Variants in MRC1 observed in about 807,000 individuals in gnomAD.
MRC1 encodes mannose receptor C-type 1.
A neutral mutation model predicts 102.9 loss-of-function variants in MRC1; 62 were observed. The observed-to-expected ratio is 0.60, with a 90% CI of 0.49 to 0.74. The LOEUF (loss-of-function observed/expected upper bound fraction) is 0.74, where lower values mean the gene tolerates loss of function less well. Among genes scored for constraint, MRC1 ranks in the 30% least tolerant of loss-of-function variants. The pLI is 0.00. For missense variants in MRC1, 1,237 were observed against 862.8 expected (o/e 1.43, Z -5.43); for synonymous variants, 457 against 298.4 (o/e 1.53, Z -5.48).
chr10:17,867,083 T>A (rs1833280196), intron 12 of MRC1, among the ~76,000 whole-genome samples: 1 of 139,150 alleles, frequency 7.2e-6, no homozygotes, highest in Non-Finnish European at 1.6e-5. Flanking sequence ...ATTCCCCCCT[T>A]GCCCTCTTCC....
At chr10:17,891,108 G>A (rs1833666375) in intron 22 of MRC1, among the ~76,000 whole-genome samples, 1 of 151,110 alleles carries the variant, frequency 6.6e-6, no homozygotes, top group East Asian at 1.9e-4. Flanking sequence ...CTGATTCTGC[G>A]TGATGGTGAG....
chr10:17,885,204 A>G, intron 21 of MRC1, 65 bp from the exon 22 acceptor site: 1 of 778,164 alleles, frequency 1.3e-6, no homozygotes, highest in Non-Finnish European at 2.4e-6. Flanking sequence ...TATATTTTGA[A>G]TATTTTCCAT....
intron 3 of MRC1, among the ~76,000 whole-genome samples, chr10:17,830,852 A>G (rs565803514): frequency 6.6e-6 from 1 of 150,392 alleles, no homozygotes; most frequent in South Asian, 2.1e-4. Context: ...AAAAACAACA[A>G]CAAAACCCTT....
chr10:17,867,358 CCTTCTCCTTCTTCTTCTTCTTCTTCTT>C (rs1833288535), intron 12 of MRC1, among the ~76,000 whole-genome samples: 1 of 111,280 alleles, frequency 9.0e-6, no homozygotes, highest in African/African-American at 3.6e-5. Flanking sequence ...TTCTTCTTCT[CCTTCTCCTTCTTCTTCTTCTTCTTCTT>C]CTCCTTCTTC....
chr10:17,813,090 T>C (rs889392194), intron 1 of MRC1, among the ~76,000 whole-genome samples: 1 of 152,190 alleles, frequency 6.6e-6, no homozygotes, highest in Non-Finnish European at 1.5e-5. Context: ...TTTGACATCA[T>C]CATTTTATAG....
chr10:17,861,581 C>G (rs932855433), intron 10 of MRC1, 79 bp downstream of exon 10: 158 of 749,564 alleles, frequency 2.1e-4, no homozygotes, highest in Middle Eastern at 5.3e-4. Flanking sequence ...TCAACATGCT[C>G]TAAATTTCTG....
Position 17,824,894 on chromosome 10 carries a change from C to A in MRC1, c.463+1419C>A, listed in dbSNP as rs1446466198. Among the ~76,000 whole-genome samples, 9 of 152,198 alleles carry A rather than the reference C, an allele frequency of 5.9e-5. No individual in the cohort carries two copies. In the East Asian group the frequency reaches 1.7e-3, roughly 29 times the overall value. On this transcript the variant is annotated intron_variant, in intron 2 of 29. Coordinates refer to ENST00000569591, the MANE Select transcript of MRC1 (RefSeq NM_002438.4). ...ATACATAGGGTTTGGGCTAATAGTT[C>A]TCAAACTTTAATATGCTTAAGAATC...
intron 1 of MRC1, among the ~76,000 whole-genome samples, chr10:17,819,060 G>C (rs1838354620): frequency 6.6e-6 from 1 of 152,164 alleles, no homozygotes; most frequent in East Asian, 1.9e-4. Flanking sequence ...CTTGTAGTTA[G>C]AAACCCAGTC....
chr10:17,903,291 C>T (rs1241450678), intron 26 of MRC1, among the ~76,000 whole-genome samples: 1 of 150,668 alleles, frequency 6.6e-6, no homozygotes, highest in Admixed American at 6.6e-5. Context: ...TTCTATATGT[C>T]TTATGGTCCC....
intron 1 of MRC1, among the ~76,000 whole-genome samples, chr10:17,815,648 T>C (rs1838299399): frequency 6.6e-6 from 1 of 152,208 alleles, no homozygotes; most frequent in Admixed American, 6.5e-5. Context: ...TCTTGGCCTC[T>C]GTTTTGTCCT....
At chr10:17,902,833 G>A (rs1435530788) in intron 26 of MRC1, among the ~76,000 whole-genome samples, 2 of 152,160 alleles carry the variant, frequency 1.3e-5, no homozygotes, top group Non-Finnish European at 2.9e-5. Flanking sequence ...CTTAGCCGAT[G>A]AGGTTTATCC....
chr10:17,876,321 C>T (rs1001339661), intron 17 of MRC1, among the ~76,000 whole-genome samples: 1 of 151,050 alleles, frequency 6.6e-6, no homozygotes, highest in African/African-American at 2.4e-5. Flanking sequence ...GACCTCGGCT[C>T]ACTGCAACCT....
chr10:17,863,766 A>T (rs1215112587), intron 11 of MRC1, 84 bp downstream of exon 11: 1 of 722,218 alleles, frequency 1.4e-6, no homozygotes, highest in African/African-American at 1.8e-5. Flanking sequence ...GTATCTCTGC[A>T]AATAGACTAG....
chr10:17,898,035 C>A lies in MRC1; in HGVS notation c.3252C>A (p.Asp1084Glu). 1.3e-6 allele frequency: 1 copy of A among 780,774 alleles called. No homozygotes were observed. The highest frequency in any genetic ancestry group is 2.4e-6 in the Non-Finnish European group (1 of 417,918). The allele number at this position is 780,774 out of a possible 1,614,324, so 48.4% of individuals were successfully genotyped here. ...KRGYICQTRSDPSLTNPPATI... is the reference protein window; with the variant it reads ...KRGYICQTRSEPSLTNPPATI... ...AATGAAAATAATGTTTTTATCTAGACCCTTCCTTGACTAATCCTCCAGCAA... is the reference window on the plus strand; with the variant it reads ...AATGAAAATAATGTTTTTATCTAGAACCTTCCTTGACTAATCCTCCAGCAA... Residue 1084 changes from aspartate to glutamate, a missense_variant and splice_region_variant, in exon 24 of 30, where the codon GAC (aspartate) becomes GAA (glutamate). By Grantham distance (45) the Asp-to-Glu change is conservative (BLOSUM62 2). Transcript: ENST00000569591.
At chr10:17,818,026 C>G (rs1838338766) in intron 1 of MRC1, among the ~76,000 whole-genome samples, 1 of 152,106 alleles carries the variant, frequency 6.6e-6, no homozygotes. Flanking sequence ...CTGGCAAAGG[C>G]AATATCAAAC....
intron 22 of MRC1, among the ~76,000 whole-genome samples, chr10:17,885,855 T>A (rs1398763280): frequency 6.9e-6 from 1 of 143,940 alleles, no homozygotes; most frequent in South Asian, 2.2e-4. Flanking sequence ...ATGATCATGA[T>A]CATGAGCTAA....
chr10:17,854,103 A>T (rs1359399222), intron 8 of MRC1, among the ~76,000 whole-genome samples: 1 of 152,164 alleles, frequency 6.6e-6, no homozygotes, highest in Non-Finnish European at 1.5e-5. Context: ...GGTGCGTGCC[A>T]CCACGCCTGG....
intron 23 of MRC1, among the ~76,000 whole-genome samples, chr10:17,895,570 T>G (rs1304146457): frequency 1.3e-5 from 2 of 152,216 alleles, no homozygotes; most frequent in African/African-American, 4.8e-5. Context: ...CTTAAACATG[T>G]GGATATATGA....
intron 11 of MRC1, 57 bp from the exon 12 acceptor site, chr10:17,866,505 C>G: frequency 2.6e-6 from 2 of 780,774 alleles, no homozygotes; most frequent in Non-Finnish European, 4.8e-6. Context: ...TCTGTGAGCA[C>G]GGCAGGCCTT....
Sources: allele counts gnomAD v4.1 joint callset (sites outside exome capture counted in the v4.1 genomes callset), GRCh38; gene constraint gnomAD v4.1.1; transcripts MANE v1.5; gene names NCBI Gene and HGNC (gene_info 2026-07-23, HGNC 2026-07-21).